Variants in BOLL observed in about 807,000 individuals in gnomAD.
BOLL encodes boule RNA binding protein.
BOLL carries 23 observed loss-of-function variants against 44.4 expected under a neutral mutation model. That is an observed-to-expected ratio of 0.52 (90% CI 0.37 to 0.73). The LOEUF is 0.73. Ranked by LOEUF, BOLL falls within the 30% of genes least tolerant of loss-of-function variation. The probability of loss-of-function intolerance (pLI) is 0.00; values close to 1 mark genes in which losing one functional copy is unlikely to be tolerated. For synonymous variants in BOLL, 97 were observed against 110.8 expected (o/e 0.88, Z 0.78); for missense variants, 287 against 338.3 (o/e 0.85, Z 1.19).
intron 9 of BOLL, among the ~76,000 whole-genome samples, chr2:197,743,604 T>C (rs1444398707): frequency 2.6e-5 from 4 of 152,238 alleles, no homozygotes; most frequent in Admixed American, 1.3e-4. Context: ...AGACGTATAC[T>C]GTTGATAGAT....
intron 10 of BOLL, among the ~76,000 whole-genome samples, chr2:197,737,648 C>G (rs1334314836): frequency 1.3e-5 from 2 of 152,002 alleles, no homozygotes; most frequent in South Asian, 2.1e-4. Flanking sequence ...TAAATTGATT[C>G]ATAAGTATTA....
rs115950330 is a variant in BOLL, at chr2:197,777,253, G to A, written c.222-140C>T. On this transcript the variant is annotated intron_variant, in intron 3 of 10. Transcript: ENST00000392296. ...ATGTTTCTATGCTGCACTAGCATGG[G>A]AATCTTAGAAGAATCATTCACAGCC... 2,677 of 436,486 alleles carry A rather than the reference G, an allele frequency of 6.1e-3. 8 individuals are homozygous for A. Among genetic ancestry groups the A allele is most frequent in the Middle Eastern group, 8.2e-3 (12 of 1,462 alleles). The allele number at this position is 436,486 out of a possible 1,614,324, so 27.0% of individuals were successfully genotyped here.
In BOLL at chr2:197,728,428, GA is replaced by G. The variant is rs1241658782; in HGVS notation, c.*126del. On this transcript the variant is annotated 3_prime_UTR_variant, in exon 11 of 11. Transcript: ENST00000392296. ...TTATAGTGGAATAACTGAGTATGGT[GA>G]GGTATTAACTAACACTAAGTTTCAC... The G allele has an allele frequency of 7.2e-7, 1 of 1,398,318 alleles. No individual in the cohort carries two copies. Among genetic ancestry groups the G allele is most frequent in the East Asian group, 2.3e-5 (1 of 43,608 alleles). The allele number at this position is 1,398,318 out of a possible 1,614,324, so 86.6% of individuals were successfully genotyped here.
Position 197,731,474 on chromosome 2 carries a change from T to G in BOLL, c.829-2896A>C, listed in dbSNP as rs531739637. 2.8e-5 allele frequency among the ~76,000 whole-genome samples: 4 copies of G among 143,550 alleles called. No individual in the cohort carries two copies. The South Asian group carries it at 9.4e-4, about 34-fold the overall frequency. 94.2% of individuals were successfully genotyped at this position (143,550 alleles called of 152,430 possible). On this transcript the variant is annotated intron_variant, in intron 10 of 10. Transcript: ENST00000392296. ...CTGCACCAAGCAGACCTAACAGACA[T>G]CTACAGAACTCTCCACCCCAAATCA... is the stretch of plus-strand genomic sequence containing the variant.
chr2:197,765,633 A>AC (rs112694478), intron 7 of BOLL, among the ~76,000 whole-genome samples: 130 of 152,084 alleles, frequency 8.5e-4, no homozygotes, highest in African/African-American at 3.0e-3. Context: ...TAAAAAAAAA[A>AC]CACTACCAAG....
At chr2:197,738,099 T>C (rs1165911292) in intron 10 of BOLL, among the ~76,000 whole-genome samples, 1 of 152,148 alleles carries the variant, frequency 6.6e-6, no homozygotes, top group African/African-American at 2.4e-5. Context: ...CCTTCATACC[T>C]TGGGATTTGA....
chr2:197,750,473 CA>C (rs1289303355), intron 9 of BOLL, among the ~76,000 whole-genome samples: 1 of 150,788 alleles, frequency 6.6e-6, no homozygotes, highest in Non-Finnish European at 1.5e-5. Flanking sequence ...AAATGGAAAG[CA>C]AAAAAAAGCA....
chr2:197,735,374 T>C (rs1326571976), intron 10 of BOLL, among the ~76,000 whole-genome samples: 4 of 152,156 alleles, frequency 2.6e-5, no homozygotes, highest in Non-Finnish European at 5.9e-5. Flanking sequence ...TTCCTCTTTC[T>C]GCAATTTAAA....
chr2:197,753,598 G>C (rs1483415867), intron 9 of BOLL, among the ~76,000 whole-genome samples: 3 of 152,130 alleles, frequency 2.0e-5, no homozygotes, highest in African/African-American at 7.2e-5. Flanking sequence ...ACCATCTCAC[G>C]CCAGTTAGAA....
intron 3 of BOLL, among the ~76,000 whole-genome samples, chr2:197,777,915 G>A (rs1270736683): frequency 6.6e-6 from 1 of 151,748 alleles, no homozygotes; most frequent in Non-Finnish European, 1.5e-5. Context: ...TTTAAACAAA[G>A]GAATTTCTCT....
At chr2:197,752,224 C>T (rs1387206365) in intron 9 of BOLL, among the ~76,000 whole-genome samples, 3 of 152,074 alleles carry the variant, frequency 2.0e-5, no homozygotes, top group African/African-American at 7.2e-5. Context: ...GGAAGCATTC[C>T]CTTGAAAACC....
intron 10 of BOLL, among the ~76,000 whole-genome samples, chr2:197,742,414 C>G (rs1687786430): frequency 6.6e-6 from 1 of 152,118 alleles, no homozygotes; most frequent in South Asian, 2.1e-4. Context: ...GGAACCAACC[C>G]AAATGTCCAA....
chr2:197,750,833 A>G (rs1688209351), intron 9 of BOLL, among the ~76,000 whole-genome samples: 1 of 152,226 alleles, frequency 6.6e-6, no homozygotes, highest in Non-Finnish European at 1.5e-5. Context: ...CCCCAAATCA[A>G]CAGAATATAC....
intron 9 of BOLL, among the ~76,000 whole-genome samples, chr2:197,749,748 A>C (rs928746040): frequency 5.9e-5 from 9 of 152,148 alleles, no homozygotes; most frequent in African/African-American, 2.2e-4. Context: ...AAAAGGCCAA[A>C]GTTTAGGTTT....
At chr2:197,751,231 A>G (rs941998453) in intron 9 of BOLL, among the ~76,000 whole-genome samples, 4 of 152,188 alleles carry the variant, frequency 2.6e-5, no homozygotes, top group African/African-American at 9.7e-5. Context: ...CATTACAATT[A>G]AAAGAACTAG....
In BOLL at chr2:197,729,022, G is replaced by A. The variant is rs1028487950; in HGVS notation, c.829-444C>T. Among the ~76,000 whole-genome samples the A allele has an allele frequency of 5.9e-5, 9 of 152,214 alleles. No individual in the cohort carries two copies. The South Asian group carries it at 1.7e-3, about 28-fold the overall frequency. ...CCGGTCTACAGCTCCCAGCGTGAGC[G>A]ACGCAGAAGACGGGTGATTTCTGCA... On this transcript the variant is annotated intron_variant, in intron 10 of 10. Transcript: ENST00000392296.
At chr2:197,731,681 C>A (rs1330270887) in intron 10 of BOLL, among the ~76,000 whole-genome samples, 6 of 151,716 alleles carry the variant, frequency 4.0e-5, no homozygotes, top group Admixed American at 3.9e-4. Flanking sequence ...TGCTCAAATA[C>A]ATGGAAACTG....
chr2:197,770,658 T>C (rs1305600805), intron 6 of BOLL, among the ~76,000 whole-genome samples: 1 of 151,518 alleles, frequency 6.6e-6, no homozygotes, highest in Non-Finnish European at 1.5e-5. Flanking sequence ...AAGAAAAAAA[T>C]CAAACAACCC....
chr2:197,737,727 T>C (rs758886137), intron 10 of BOLL, among the ~76,000 whole-genome samples: 2 of 152,084 alleles, frequency 1.3e-5, no homozygotes, highest in Non-Finnish European at 1.5e-5. Flanking sequence ...AAAGCAGATA[T>C]AGTTGCTAAT....
Sources: allele counts gnomAD v4.1 joint callset (sites outside exome capture counted in the v4.1 genomes callset), GRCh38; gene constraint gnomAD v4.1.1; transcripts MANE v1.5; gene names NCBI Gene and HGNC (gene_info 2026-07-23, HGNC 2026-07-21).